The following MYO3B variants were observed in gnomAD, a reference collection of about 807,000 sequenced individuals.
The protein encoded by MYO3B is myosin IIIB.
A neutral mutation model predicts 174.6 loss-of-function variants in MYO3B; 156 were observed. The observed-to-expected ratio is 0.89, with a 90% confidence interval of 0.78 to 1.02. MYO3B has a LOEUF of 1.02. MYO3B is among the 50% of genes least tolerant of loss of function. The probability of loss-of-function intolerance (pLI) is 0.00; values close to 1 mark genes in which losing one functional copy is unlikely to be tolerated. For synonymous variants in MYO3B, 563 were observed against 569.1 expected (o/e 0.99, Z 0.15); for missense variants, 1,632 against 1,639.4 (o/e 1.00, Z 0.08).
chr2:170,653,756 T>G lies in MYO3B; in HGVS notation c.*635T>G, dbSNP rs777888967. On this transcript the variant is annotated 3_prime_UTR_variant, in exon 35 of 35. Coordinates refer to ENST00000408978, the MANE Select transcript of MYO3B (RefSeq NM_138995.5). ...ATAACCCCTCTCTTGTTAATTATGA[T>G]GCTGAGAAAGCCTCTGTCTCTTTAT... 1 of 152,230 alleles carries G rather than the reference T, an allele frequency of 6.6e-6. No individual in the cohort carries two copies. The highest frequency in any genetic ancestry group is 1.9e-4 in the East Asian group (1 of 5,194). The allele number at this position is 152,230 out of a possible 1,614,324, so 9.4% of individuals were successfully genotyped here. A position where few individuals can be genotyped will look rare whatever the true frequency, so the allele number is the denominator to read the frequency against.
chr2:170,471,870 A>C (rs1266373391), intron 25 of MYO3B, among the ~76,000 whole-genome samples: 1 of 152,058 alleles, frequency 6.6e-6, no homozygotes, highest in Non-Finnish European at 1.5e-5. Flanking sequence ...ACATGCCTGT[A>C]ATCCCAACTA....
intron 32 of MYO3B, among the ~76,000 whole-genome samples, chr2:170,601,210 G>A (rs2106342606): frequency 6.6e-6 from 1 of 152,246 alleles, no homozygotes; most frequent in African/African-American, 2.4e-5. Flanking sequence ...CAAAACAGCT[G>A]CCACTTTTTA....
chr2:170,609,505 ATT>A (rs1448196319), intron 32 of MYO3B, among the ~76,000 whole-genome samples: 1 of 152,206 alleles, frequency 6.6e-6, no homozygotes, highest in Non-Finnish European at 1.5e-5. Flanking sequence ...ATTGCTGATG[ATT>A]AGCAGGAAGA....
chr2:170,575,505 T>C (rs1692730660), intron 32 of MYO3B, among the ~76,000 whole-genome samples: 1 of 152,190 alleles, frequency 6.6e-6, no homozygotes, highest in Non-Finnish European at 1.5e-5. Flanking sequence ...TTCTGTGCAC[T>C]GAGATTTGAA....
rs547487588 is a variant in MYO3B at position 170,338,047 on chromosome 2, T to C, written c.815+2597T>C. 1.5e-3 allele frequency: 229 copies of C among 152,336 alleles called. 2 individuals are homozygous for C. Among genetic ancestry groups the C allele is most frequent in the African/African-American group, 5.3e-3 (222 of 41,582 alleles). The allele number at this position is 152,336 out of a possible 1,614,324, so 9.4% of individuals were successfully genotyped here. On this transcript the variant is annotated intron_variant, in intron 8 of 34. Coordinates refer to ENST00000408978, the MANE Select transcript of MYO3B (RefSeq NM_138995.5). Reference sequence around the variant, plus strand: ...CAAGGGTCAACTATGCAGAAATTCCTCCCTAAGATAGTTCCTTATGGCAAA... The same window carrying C: ...CAAGGGTCAACTATGCAGAAATTCCCCCCTAAGATAGTTCCTTATGGCAAA...
chr2:170,402,934 T>C lies in MYO3B; in HGVS notation c.2216T>C (p.Ile739Thr), dbSNP rs1322247220. The C allele has an allele frequency of 1.9e-6, 3 of 1,611,630 alleles. No homozygotes were observed. ...FQRNSFEQLC[I>T]NIANEQIQYY... ...AGAAATTCATTTGAGCAGCTCTGCA[T>C]AAACATCGCCAATGAGCAAATCCAG... is the stretch of plus-strand genomic sequence containing the variant. Residue 739 changes from isoleucine to threonine, a missense_variant, in exon 19 of 35, where the codon ATA becomes ACA. Ile to Thr is a moderately conservative substitution (Grantham distance 89). Coordinates refer to ENST00000408978, the MANE Select transcript of MYO3B (RefSeq NM_138995.5).
rs767483046 is a variant in MYO3B at position 170,498,669 on chromosome 2, C to T, written c.3092C>T (p.Ser1031Phe). The stretch of plus-strand genomic sequence containing the variant: ...AGCTGTGTGGCTATCTTGGAAAAGT[C>T]CAGATTAGATCACTGGGTACTGGGA... ...KESCVAILEK[S>F]RLDHWVLGKT... Residue 1031 changes from serine to phenylalanine, a missense_variant, in exon 26 of 35, where the codon TCC becomes TTC. Transcript: ENST00000408978. The T allele has an allele frequency of 2.5e-6, 4 of 1,613,692 alleles. No individual in the cohort carries two copies. Among genetic ancestry groups the T allele is most frequent in the East Asian group, 4.5e-5 (2 of 44,864 alleles).
chr2:170,597,786 T>C (rs1361964166), intron 32 of MYO3B, among the ~76,000 whole-genome samples: 1 of 152,176 alleles, frequency 6.6e-6, no homozygotes, highest in East Asian at 1.9e-4. Context: ...TTGCCAACAT[T>C]TTTGGCTCTG....
chr2:170,550,766 C>T (rs6721717), intron 32 of MYO3B, among the ~76,000 whole-genome samples: 2,238 of 152,232 alleles, frequency 0.015, 43 homozygotes, highest in African/African-American at 0.04. Context: ...ATTAAATTCT[C>T]GGGAAGTTGT....
At chr2:170,197,039 T>G (rs1188709414) in intron 1 of MYO3B, among the ~76,000 whole-genome samples, 1 of 150,832 alleles carries the variant, frequency 6.6e-6, no homozygotes, top group Non-Finnish European at 1.5e-5. Flanking sequence ...TTTTTAAACA[T>G]GTCTGACACC....
intron 3 of MYO3B, among the ~76,000 whole-genome samples, chr2:170,203,495 C>T (rs868118669): frequency 3.2e-3 from 11 of 3,478 alleles, no homozygotes; most frequent in Middle Eastern, 0.1. Flanking sequence ...CAAAAGGGGG[C>T]GGCGGGGGGG....
At chr2:170,421,633 G>C (rs72876382) in intron 22 of MYO3B, among the ~76,000 whole-genome samples, 1 of 152,130 alleles carries the variant, frequency 6.6e-6, no homozygotes, top group Admixed American at 6.5e-5. Flanking sequence ...TGTGAGGGCC[G>C]TGCCCTCTTC....
intron 12 of MYO3B, chr2:170,385,759 G>A (rs1040746136): frequency 6.5e-6 from 1 of 153,310 alleles, no homozygotes; most frequent in Admixed American, 6.5e-5. Context: ...GGCTACAGGA[G>A]AGCAGGCACT....
In MYO3B at chr2:170,543,310, T is replaced by C. The variant is rs189795445; in HGVS notation, c.3636+344T>C. 1.3e-4 allele frequency among the ~76,000 whole-genome samples: 20 copies of C among 152,320 alleles called. No individual in the cohort carries two copies. In the East Asian group the frequency reaches 3.7e-3, roughly 28 times the overall value. Reference sequence around the variant, plus strand: ...CCGAGGTTCTTTGGTAGCACTTTGATATCCTGCTCGAATTCAATATGTGAA... The same window carrying C: ...CCGAGGTTCTTTGGTAGCACTTTGACATCCTGCTCGAATTCAATATGTGAA... On this transcript the variant is annotated intron_variant, in intron 31 of 34. Coordinates refer to ENST00000408978, the MANE Select transcript of MYO3B (RefSeq NM_138995.5).
At chr2:170,197,633 A>C (rs1489250992) in intron 1 of MYO3B, among the ~76,000 whole-genome samples, 1 of 152,172 alleles carries the variant, frequency 6.6e-6, no homozygotes. Context: ...GAAAGGAGAT[A>C]CTTGACTTCA....
intron 8 of MYO3B, among the ~76,000 whole-genome samples, chr2:170,347,731 C>T (rs1365335551): frequency 2.6e-5 from 4 of 152,132 alleles, no homozygotes; most frequent in Admixed American, 1.3e-4. Flanking sequence ...AGTGTGCATG[C>T]GTGAATATGT....
chr2:170,243,011 G>A (rs56402352), intron 7 of MYO3B, among the ~76,000 whole-genome samples: 4,173 of 152,254 alleles, frequency 0.027, 155 homozygotes, highest in East Asian at 0.18. Context: ...ATAGTCTAAA[G>A]GAAGGTTCTT....
chr2:170,407,567 T>A, intron 21 of MYO3B, 148 bp from the exon 22 acceptor site: 2 of 157,060 alleles, frequency 1.3e-5, no homozygotes, highest in Non-Finnish European at 2.2e-5. Flanking sequence ...ATCATAATTA[T>A]TCCCTTTATC....
At chr2:170,466,760 C>A (rs762527657) in intron 25 of MYO3B, 49 bp downstream of exon 25, 1 of 1,554,724 alleles carries the variant, frequency 6.4e-7, no homozygotes, top group East Asian at 2.3e-5. Context: ...TAGCTCTACT[C>A]TGGCCATCCC....
Sources: allele counts gnomAD v4.1 joint callset (sites outside exome capture counted in the v4.1 genomes callset), GRCh38; gene constraint gnomAD v4.1.1; transcripts MANE v1.5; gene names NCBI Gene and HGNC (gene_info 2026-07-23, HGNC 2026-07-21).